Variants in CACNA1C observed in about 807,000 individuals in gnomAD.
The protein encoded by CACNA1C is voltage-dependent L-type calcium channel subunit alpha-1C.
In CACNA1C, 30 loss-of-function variants were observed where a neutral mutation model predicts 229.0. The ratio of observed to expected loss-of-function variants is 0.13; its 90% confidence interval spans 0.10 to 0.18. The LOEUF (loss-of-function observed/expected upper bound fraction) is 0.18. Among genes scored for constraint, CACNA1C ranks in the 10% least tolerant of loss-of-function variants. The probability of loss-of-function intolerance (pLI) is 1.00; values close to 1 mark genes in which losing one functional copy is unlikely to be tolerated. For missense variants in CACNA1C, 1,658 were observed against 2,845.0 expected (o/e 0.58, Z 9.49); for synonymous variants, 1,114 against 1,132.5 (o/e 0.98, Z 0.33).
Position 2,597,238 on chromosome 12 carries a change from T to C in CACNA1C, c.2802T>C (p.Phe934=), listed in dbSNP as rs1051003659. ...QHTSFRNHIL[F]YFDIVFTTIF... is the part of the protein sequence containing the mutation. The stretch of plus-strand genomic sequence containing the variant: ...TCCTTTTTGTTTTGCAGATTCTGTT[T>C]TATTTTGATATTGTTTTTACCACCA... Residue 934 remains phenylalanine (F), a synonymous_variant, in exon 21 of 47, where the codon TTT becomes TTC. Coordinates refer to ENST00000399655, the MANE Select transcript of CACNA1C (RefSeq NM_000719.7). This position sits in a 1 kb window ranked among gnomAD's most constrained non-coding sequence, Gnocchi z 4.3. The C allele has an allele frequency of 1.2e-6, 2 of 1,611,164 alleles. No homozygotes were observed. The highest frequency in any genetic ancestry group is 1.7e-6 in the Non-Finnish European group (2 of 1,177,348).
Position 2,647,172 on chromosome 12 carries a change from T to G in CACNA1C, c.3913-1303T>G, listed in dbSNP as rs183498122. ...AATTCCATAACACATTTTCCTTGTT[T>G]GTACCTTAAAAACAGAAATACAAGA... On this transcript the variant is annotated intron_variant, in intron 30 of 46. Transcript: ENST00000399655. This position sits in a 1 kb window ranked among gnomAD's most constrained non-coding sequence, Gnocchi z 4.2. 1.9e-3 allele frequency among the ~76,000 whole-genome samples: 289 copies of G among 152,380 alleles called. No homozygotes were observed. The highest frequency in any genetic ancestry group is 3.5e-3 in the Non-Finnish European group (235 of 68,034).
chr12:2,016,555 G>T (rs545787969), intron 1 of CACNA1C, among the ~76,000 whole-genome samples: 175 of 152,066 alleles, frequency 1.2e-3, no homozygotes, highest in Middle Eastern at 3.4e-3. Context: ...TCAGCCTCTC[G>T]AGTAGTTGGG....
chr12:2,285,152 T>C lies in CACNA1C; in HGVS notation c.478-163824T>C, dbSNP rs1182980321. 6.6e-6 allele frequency among the ~76,000 whole-genome samples: 1 copy of C among 152,144 alleles called. No homozygotes were observed. Among genetic ancestry groups the C allele is most frequent in the Non-Finnish European group, 1.5e-5 (1 of 68,022 alleles). On this transcript the variant is annotated intron_variant, in intron 3 of 46. Coordinates refer to ENST00000399655, the MANE Select transcript of CACNA1C (RefSeq NM_000719.7). This position sits in a 1 kb window ranked among gnomAD's most constrained non-coding sequence, Gnocchi z 4.2. Reference sequence around the variant, plus strand: ...TCCCTCTGTAGAAACACTCTGTTTCTCTCCATTCCATCCCTGCGTGTTACC... The same window carrying C: ...TCCCTCTGTAGAAACACTCTGTTTCCCTCCATTCCATCCCTGCGTGTTACC...
chr12:2,553,621 A>G (rs1303414508), intron 10 of CACNA1C, among the ~76,000 whole-genome samples: 1 of 152,246 alleles, frequency 6.6e-6, no homozygotes. Context: ...GCCTGAGAGC[A>G]CTAAAAAGAG....
intron 34 of CACNA1C, among the ~76,000 whole-genome samples, chr12:2,661,965 G>A (rs2095764053): frequency 6.6e-6 from 1 of 152,116 alleles, no homozygotes; most frequent in African/African-American, 2.4e-5. Context: ...AGGAAAGGCC[G>A]GGCGCAGTGG....
chr12:2,003,630 C>G (rs2042688464), intron 1 of CACNA1C, among the ~76,000 whole-genome samples: 1 of 152,182 alleles, frequency 6.6e-6, no homozygotes, highest in Non-Finnish European at 1.5e-5. Flanking sequence ...GAGAAGAGCA[C>G]TAAAATAATT....
At chr12:2,158,756 A>T (rs1458526280) in intron 3 of CACNA1C, among the ~76,000 whole-genome samples, 1 of 150,582 alleles carries the variant, frequency 6.6e-6, no homozygotes, top group Non-Finnish European at 1.5e-5. Context: ...CAAAAAGAAA[A>T]AAATAAAACT....
intron 5 of CACNA1C, among the ~76,000 whole-genome samples, chr12:2,484,557 G>C (rs574108347): frequency 2.0e-5 from 3 of 152,150 alleles, no homozygotes; most frequent in African/African-American, 7.2e-5. Context: ...GGAGCCTCCC[G>C]ATGGGTGTCC....
chr12:2,043,361 C>T (rs1458641477), intron 1 of CACNA1C, among the ~76,000 whole-genome samples: 2 of 152,134 alleles, frequency 1.3e-5, no homozygotes, highest in African/African-American at 4.8e-5. Flanking sequence ...ATACTATATC[C>T]AGAGGGGGCT....
At chr12:2,477,957 G>T (rs557141943) in intron 5 of CACNA1C, among the ~76,000 whole-genome samples, 1 of 152,160 alleles carries the variant, frequency 6.6e-6, no homozygotes, top group Admixed American at 6.5e-5. Flanking sequence ...CTTGAACTCA[G>T]AAGAGAGGAC....
At chr12:2,406,399 C>A (rs1207751708) in intron 3 of CACNA1C, among the ~76,000 whole-genome samples, 2 of 152,184 alleles carry the variant, frequency 1.3e-5, no homozygotes, top group African/African-American at 2.4e-5. Flanking sequence ...GATGTTAGAG[C>A]ATTTGTTATA....
At chr12:2,606,762 C>T in intron 25 of CACNA1C, 99 bp downstream of exon 25, 3 of 1,077,100 alleles carry the variant, frequency 2.8e-6, no homozygotes, top group Non-Finnish European at 4.1e-6. Flanking sequence ...TCTAAGACTG[C>T]AGTGGCACCT....
chr12:2,174,231 C>CGAGTTGGTG (rs1347774034), intron 3 of CACNA1C, among the ~76,000 whole-genome samples: 7 of 152,140 alleles, frequency 4.6e-5, no homozygotes, highest in African/African-American at 1.7e-4. Context: ...TAGACATCAC[C>CGAGTTGGTG]AGTGCCTGGG....
chr12:2,174,060 A>G (rs1316437230), intron 3 of CACNA1C, among the ~76,000 whole-genome samples: 1 of 152,102 alleles, frequency 6.6e-6, no homozygotes, highest in Non-Finnish European at 1.5e-5. Flanking sequence ...ATTACATAAT[A>G]TGTTTAGTTG....
In CACNA1C at chr12:2,677,490, G is replaced by A; in HGVS notation, c.4957-243G>A. ...ATACTTCACTGAGGCTCCCGTGACA[G>A]CCCCTGACCCCTGGTGCCCCGTCCT... On this transcript the variant is annotated intron_variant, in intron 40 of 46. Coordinates refer to ENST00000399655, the MANE Select transcript of CACNA1C (RefSeq NM_000719.7). The surrounding 1 kb of genome is among the most constrained non-coding windows in gnomAD (Gnocchi z 7.4). 1 of 612,920 alleles carries A rather than the reference G, an allele frequency of 1.6e-6. No homozygotes were observed. The highest frequency in any genetic ancestry group is 2.8e-6 in the Non-Finnish European group (1 of 352,192). 38.0% of individuals were successfully genotyped at this position (612,920 alleles called of 1,614,324 possible).
chr12:2,503,673 C>T (rs1356715233), intron 7 of CACNA1C, among the ~76,000 whole-genome samples: 3 of 152,312 alleles, frequency 2.0e-5, no homozygotes, highest in African/African-American at 7.2e-5. Flanking sequence ...CGGTGAGCTC[C>T]CCTCAGCCCC....
At chr12:2,508,930 G>A (rs762790174) in intron 8 of CACNA1C, among the ~76,000 whole-genome samples, 15 of 152,254 alleles carry the variant, frequency 9.9e-5, no homozygotes, top group South Asian at 4.1e-4. Context: ...ATCTCCAGTC[G>A]ACTAGAATAA....
intron 3 of CACNA1C, among the ~76,000 whole-genome samples, chr12:2,363,555 A>C (rs958886362): frequency 6.6e-6 from 1 of 152,160 alleles, no homozygotes; most frequent in Non-Finnish European, 1.5e-5. Context: ...TGGGGTTCCC[A>C]GTGGGGGAGT....
At chr12:2,251,692 T>A (rs1181237051) in intron 3 of CACNA1C, among the ~76,000 whole-genome samples, 2 of 152,246 alleles carry the variant, frequency 1.3e-5, no homozygotes, top group Non-Finnish European at 2.9e-5. Flanking sequence ...CTTTTGGTTA[T>A]GTGTCTCTCT....
Sources: gnomAD v4.1 joint callset for allele counts (sites outside exome capture counted in the v4.1 genomes callset) on GRCh38, gnomAD v4.1.1 for gene constraint, Gnocchi (gnomAD v3.1) non-coding constraint, MANE v1.5 for transcripts, NCBI Gene and HGNC (gene_info 2026-07-23, HGNC 2026-07-21) for gene names.